The following NRXN3 variants were observed in gnomAD, a reference collection of about 807,000 sequenced individuals.
The protein encoded by NRXN3 is neurexin III.
In NRXN3, 32 loss-of-function variants were observed where a neutral mutation model predicts 137.6. That is an observed-to-expected ratio of 0.23 (90% confidence interval 0.18 to 0.31). The LOEUF is 0.31. Ranked by LOEUF, NRXN3 falls within the 10% of genes least tolerant of loss-of-function variation. The pLI, the probability that NRXN3 is intolerant of heterozygous loss-of-function variation, is 1.00. For missense variants in NRXN3, 1,574 were observed against 2,062.5 expected (o/e 0.76, Z 4.59); for synonymous variants, 798 against 784.5 (o/e 1.02, Z -0.29).
intron 10 of NRXN3, among the ~76,000 whole-genome samples, chr14:78,819,460 G>A (rs1214700638): frequency 6.6e-6 from 1 of 152,126 alleles, no homozygotes; most frequent in African/African-American, 2.4e-5. Context: ...AGAGATTAGA[G>A]TATAGGAGGA....
intron 10 of NRXN3, among the ~76,000 whole-genome samples, chr14:78,923,982 G>A (rs2099278018): frequency 6.6e-6 from 1 of 152,226 alleles, no homozygotes; most frequent in African/African-American, 2.4e-5. Flanking sequence ...GGGCATGGTG[G>A]CTCATGCCTA....
rs570050708 is a variant in NRXN3 at position 79,045,839 on chromosome 14, A to C, written c.3262+57698A>C. On this transcript the variant is annotated intron_variant, in intron 15 of 20. Coordinates refer to ENST00000335750, the MANE Select transcript of NRXN3 (RefSeq NM_001330195.2). ...TCGGGACCACCTAGTGATCTTGTTC[A>C]GTTTCTAATTTAGTTGATCTGAGGT... 3.3e-5 allele frequency among the ~76,000 whole-genome samples: 5 copies of C among 152,326 alleles called. No homozygotes were observed. In the South Asian group the frequency reaches 6.2e-4, roughly 19 times the overall value.
At chr14:79,166,416 C>T (rs2061290235) in intron 15 of NRXN3, among the ~76,000 whole-genome samples, 1 of 151,360 alleles carries the variant, frequency 6.6e-6, no homozygotes. Flanking sequence ...GTGAGTCACA[C>T]AAACGTTCAT....
intron 10 of NRXN3, among the ~76,000 whole-genome samples, chr14:78,863,174 C>T (rs1041636211): frequency 4.6e-5 from 7 of 152,106 alleles, no homozygotes; most frequent in African/African-American, 1.7e-4. Flanking sequence ...AATACAACAT[C>T]CTCAATCTGA....
intron 15 of NRXN3, among the ~76,000 whole-genome samples, chr14:79,360,606 G>T (rs2093650292): frequency 6.6e-6 from 1 of 152,230 alleles, no homozygotes; most frequent in South Asian, 2.1e-4. Context: ...TTAAGACGTG[G>T]CCGAGCAAGC....
At position 79,266,355 on chromosome 14, in the gene NRXN3, T is replaced by TTA. The variant is rs150666453; in HGVS notation, c.3263-200853_3263-200852dup. On this transcript the variant is annotated intron_variant, in intron 15 of 20. Transcript: ENST00000335750. ...TTCTGATTTTCTCCAGCTATAAAGG[T>TTA]TATATATATATATAACCTTTAGAGC... is the stretch of plus-strand genomic sequence containing the variant. 4.0e-3 allele frequency among the ~76,000 whole-genome samples: 598 copies of TTA among 151,202 alleles called. 5 individuals carry two copies. Among genetic ancestry groups the TTA allele is most frequent in the African/African-American group, 0.013 (525 of 41,254 alleles).
At chr14:78,900,667 C>A (rs1408050923) in intron 10 of NRXN3, among the ~76,000 whole-genome samples, 1 of 151,672 alleles carries the variant, frequency 6.6e-6, no homozygotes, top group Non-Finnish European at 1.5e-5. Flanking sequence ...TTACAGATGC[C>A]CTTCACTTTA....
At position 78,919,964 on chromosome 14, in the gene NRXN3, C is replaced by T. The variant is rs543095022; in HGVS notation, c.2276-37278C>T. Reference sequence around the variant, plus strand: ...GCCATTCTCTGAAAATGGCAATATACGCTTACAATTATTTGTAGCATAGCA... The same window carrying T: ...GCCATTCTCTGAAAATGGCAATATATGCTTACAATTATTTGTAGCATAGCA... On this transcript the variant is annotated intron_variant, in intron 10 of 20. Transcript: ENST00000335750. Among the ~76,000 whole-genome samples the T allele has an allele frequency of 1.2e-4, 19 of 152,234 alleles. No individual in the cohort carries two copies. The East Asian group carries it at 1.5e-3, about 12-fold the overall frequency.
chr14:79,634,146 A>C lies in NRXN3; in HGVS notation c.3445-29632A>C, dbSNP rs150188728. Among the ~76,000 whole-genome samples, 448 of 152,346 alleles carry C rather than the reference A, an allele frequency of 2.9e-3. 2 individuals carry two copies. Among genetic ancestry groups the C allele is most frequent in the African/African-American group, 0.01 (427 of 41,578 alleles). ...TGTGATTGGAGCAAGATACAAGGTAAAACATGTTGTGGTCAAGTTCAAGGA... is the reference window on the plus strand; with the variant it reads ...TGTGATTGGAGCAAGATACAAGGTACAACATGTTGTGGTCAAGTTCAAGGA... On this transcript the variant is annotated intron_variant, in intron 16 of 20. Transcript: ENST00000335750.
At chr14:79,486,690 G>A (rs2096658484) in intron 16 of NRXN3, among the ~76,000 whole-genome samples, 1 of 152,166 alleles carries the variant, frequency 6.6e-6, no homozygotes, top group African/African-American at 2.4e-5. Context: ...AAAGCTGGGT[G>A]TAAAATGCCA....
In NRXN3 at chr14:78,229,647, C is replaced by T. The variant is rs559535969; in HGVS notation, c.-703-12744C>T. Among the ~76,000 whole-genome samples the T allele has an allele frequency of 3.9e-5, 6 of 152,300 alleles. No homozygotes were observed. In the South Asian group the frequency reaches 1.2e-3, roughly 32 times the overall value. ...CGTCTGCTTCCCACCTTAGTCCAGT[C>T]AGCAAGCACATGTCTATGATCGACT... On this transcript the variant is annotated intron_variant, in intron 1 of 20. Transcript: ENST00000335750.
chr14:78,700,740 CT>C (rs1487291861), intron 6 of NRXN3, among the ~76,000 whole-genome samples: 1 of 152,034 alleles, frequency 6.6e-6, no homozygotes, highest in Admixed American at 6.6e-5. Context: ...TTATAGTATC[CT>C]TAATGCTCTA....
intron 15 of NRXN3, among the ~76,000 whole-genome samples, chr14:79,435,602 A>ACACACACG (rs1385670906): frequency 2.1e-5 from 3 of 146,192 alleles, no homozygotes. Flanking sequence ...ATACACACAC[A>ACACACACG]CACACACACA....
chr14:79,244,477 T>C (rs1439342540), intron 15 of NRXN3, among the ~76,000 whole-genome samples: 1 of 152,166 alleles, frequency 6.6e-6, no homozygotes, highest in African/African-American at 2.4e-5. Flanking sequence ...TTATCTTGAA[T>C]GCTGCAAATT....
chr14:78,357,368 C>T (rs1226478513), intron 4 of NRXN3, among the ~76,000 whole-genome samples: 2 of 152,168 alleles, frequency 1.3e-5, no homozygotes. Flanking sequence ...ATAAATCAGT[C>T]ACCTCCCACC....
rs192388622 is a variant in NRXN3, at chr14:79,307,225, T to C, written c.3263-159996T>C. 4.2e-3 allele frequency among the ~76,000 whole-genome samples: 634 copies of C among 152,264 alleles called. 9 individuals are homozygous for C. Among genetic ancestry groups the C allele is most frequent in the Non-Finnish European group, 4.5e-3 (303 of 67,994 alleles). On this transcript the variant is annotated intron_variant, in intron 15 of 20. Coordinates refer to ENST00000335750, the MANE Select transcript of NRXN3 (RefSeq NM_001330195.2). Reference sequence around the variant, plus strand: ...GGAAATGAGCCTCAAAAACATTAAATAAGTTACTCTAGGTCCCATATCAAT... The same window carrying C: ...GGAAATGAGCCTCAAAAACATTAAACAAGTTACTCTAGGTCCCATATCAAT...
intron 6 of NRXN3, chr14:78,695,856 C>A (rs191354376): frequency 7.2e-5 from 11 of 152,142 alleles, no homozygotes; most frequent in African/African-American, 2.7e-4. Context: ...GAGTGGGCAA[C>A]CCCATGCAAG....
intron 2 of NRXN3, among the ~76,000 whole-genome samples, chr14:78,246,541 A>G (rs77509978): frequency 0.012 from 1,876 of 152,270 alleles, 38 homozygotes; most frequent in African/African-American, 0.04. Flanking sequence ...AGAGCAGTGC[A>G]AAGGTTGAGG....
At chr14:79,384,966 C>T (rs2094565575) in intron 15 of NRXN3, among the ~76,000 whole-genome samples, 1 of 152,166 alleles carries the variant, frequency 6.6e-6, no homozygotes, top group East Asian at 1.9e-4. Flanking sequence ...TAGTGGTTCT[C>T]ACTTTTTTCT....
Sources: gnomAD v4.1 joint callset for allele counts (sites outside exome capture counted in the v4.1 genomes callset) on GRCh38, gnomAD v4.1.1 for gene constraint, MANE v1.5 for transcripts, NCBI Gene and HGNC (gene_info 2026-07-23, HGNC 2026-07-21) for gene names.